Variants in XCR1 observed in about 807,000 individuals in gnomAD.
XCR1 encodes X-C motif chemokine receptor 1.
For missense variants in XCR1, 356 were observed against 424.2 expected (o/e 0.84, Z 1.41); for synonymous variants, 187 against 188.5 (o/e 0.99, Z 0.06).
At chr3:46,074,927 A>G (rs1156599657) in intron 2 of XCR1, among the ~76,000 whole-genome samples, 5 of 152,338 alleles carry the variant, frequency 3.3e-5, no homozygotes, top group South Asian at 4.1e-4. Flanking sequence ...TAACTCATCT[A>G]TGAAACAGAT....
rs1335381226 is a variant in XCR1 at position 46,021,595 on chromosome 3, A to T, written c.353T>A (p.Phe118Tyr). ...IFSISLYSSI[F>Y]FLTIMTIHRY... ...GTGGATGGTCATGATGGTCAGGAAG[A>T]AGATGCTGCTGTAGAGGCTGATGGA... The change falls in exon 2 of 2, where the codon TTC (phenylalanine) becomes TAC (tyrosine). Residue 118 changes from phenylalanine to tyrosine, a missense_variant. Physicochemically the swap from Phe to Tyr is conservative, Grantham distance 22. Coordinates refer to ENST00000309285, the MANE Select transcript of XCR1 (RefSeq NM_001024644.2). The surrounding 1 kb of genome is among the most constrained non-coding windows in gnomAD (Gnocchi z 4.7). 6.2e-7 allele frequency: 1 copy of T among 1,612,640 alleles called. No individual in the cohort carries two copies. Among genetic ancestry groups the T allele is most frequent in the East Asian group, 2.2e-5 (1 of 44,844 alleles).
intron 3 of XCR1, among the ~76,000 whole-genome samples, chr3:46,071,537 G>C (rs988886363): frequency 3.3e-5 from 5 of 152,074 alleles, no homozygotes; most frequent in Non-Finnish European, 5.9e-5. Context: ...CATTCCCCGT[G>C]AACATAGATA....
At chr3:46,033,568 G>A (rs1047118960) in intron 5 of XCR1, among the ~76,000 whole-genome samples, 5 of 152,246 alleles carry the variant, frequency 3.3e-5, no homozygotes, top group African/African-American at 1.2e-4. Context: ...CTTGATTACT[G>A]TAACTTTATA....
At chr3:46,067,370 C>G (rs1478145775) in intron 3 of XCR1, among the ~76,000 whole-genome samples, 1 of 152,100 alleles carries the variant, frequency 6.6e-6, no homozygotes, top group Non-Finnish European at 1.5e-5. Flanking sequence ...TCTGGGCCAT[C>G]AGGGGGTTCA....
chr3:46,023,120 G>A (rs578089472), intron 1 of XCR1, among the ~76,000 whole-genome samples: 1 of 152,174 alleles, frequency 6.6e-6, no homozygotes, highest in African/African-American at 2.4e-5. Context: ...TCATGGCGCC[G>A]TGCGGGGTCG....
chr3:46,079,668 A>T (rs1427830148), intron 1 of XCR1, among the ~76,000 whole-genome samples: 1 of 152,094 alleles, frequency 6.6e-6, no homozygotes, highest in African/African-American at 2.4e-5. Flanking sequence ...AGGTAAAACC[A>T]CAGCAAGAGG....
chr3:46,085,295 A>G (rs1698454758), intron 1 of XCR1, among the ~76,000 whole-genome samples: 1 of 152,046 alleles, frequency 6.6e-6, no homozygotes, highest in Non-Finnish European at 1.5e-5. Context: ...TGTGATCTAC[A>G]TCTATACAGA....
At chr3:46,026,589 T>TC (rs2125894582) in intron 1 of XCR1, among the ~76,000 whole-genome samples, 1 of 150,870 alleles carries the variant, frequency 6.6e-6, no homozygotes, top group East Asian at 1.9e-4. Context: ...TCTTCTTCTT[T>TC]TTTTTTTTTT....
chr3:46,035,191 G>T (rs1047454574), intron 5 of XCR1, among the ~76,000 whole-genome samples: 3 of 152,136 alleles, frequency 2.0e-5, no homozygotes, highest in African/African-American at 4.8e-5. Flanking sequence ...CTGACCTCCT[G>T]ATCTGCCCAC....
intron 4 of XCR1, among the ~76,000 whole-genome samples, chr3:46,056,379 T>C (rs995737137): frequency 6.6e-6 from 1 of 152,144 alleles, no homozygotes; most frequent in East Asian, 1.9e-4. Flanking sequence ...TAACACAAAA[T>C]TTATGACCCA....
chr3:46,023,901 G>A, intron 1 of XCR1: 1 of 1,508,006 alleles, frequency 6.6e-7, no homozygotes, highest in Non-Finnish European at 9.2e-7. Context: ...GGCTGAAAAG[G>A]CCAGACTTCT....
intron 5 of XCR1, among the ~76,000 whole-genome samples, chr3:46,046,737 G>A (rs1412057880): frequency 6.6e-6 from 1 of 152,196 alleles, no homozygotes; most frequent in Non-Finnish European, 1.5e-5. Context: ...AGATGTTAAT[G>A]TGGTGCTTTA....
intron 5 of XCR1, among the ~76,000 whole-genome samples, chr3:46,036,257 CCA>C (rs1697429296): frequency 6.6e-6 from 1 of 152,060 alleles, no homozygotes; most frequent in African/African-American, 2.4e-5. Context: ...CTGTTTGGCC[CCA>C]GTGTTCCTTG....
intron 5 of XCR1, among the ~76,000 whole-genome samples, chr3:46,044,152 C>G (rs1442406429): frequency 6.6e-6 from 1 of 152,100 alleles, no homozygotes; most frequent in East Asian, 1.9e-4. Flanking sequence ...TGAGCCACCA[C>G]ACCCAGCTAA....
chr3:46,024,739 A>G (rs1045993239), intron 1 of XCR1, among the ~76,000 whole-genome samples: 1 of 152,148 alleles, frequency 6.6e-6, no homozygotes, highest in African/African-American at 2.4e-5. Flanking sequence ...ACAAATTACC[A>G]GTTTACATGA....
intron 4 of XCR1, among the ~76,000 whole-genome samples, chr3:46,063,315 G>A (rs1698002436): frequency 1.3e-5 from 2 of 152,202 alleles, no homozygotes; most frequent in South Asian, 4.1e-4. Flanking sequence ...AGGAGAAAGA[G>A]CCATTGGAGA....
In XCR1 at chr3:46,073,046, G is replaced by A. The variant is rs1345649424; in HGVS notation, c.-263+1605C>T. Among the ~76,000 whole-genome samples, 3 of 152,258 alleles carry A rather than the reference G, an allele frequency of 2.0e-5. No individual in the cohort carries two copies. The East Asian group carries it at 5.8e-4, about 29-fold the overall frequency. ...AAAGATACCCTGTTCAATAAATGGT[G>A]CTGGAAAAATTGAATTGCGATATGC... is the stretch of plus-strand genomic sequence containing the variant. On this transcript the variant is annotated intron_variant, in intron 3 of 5. Transcript: ENST00000683768.
upstream of XCR1, among the ~76,000 whole-genome samples, chr3:46,029,502 G>A (rs1708361129): frequency 6.6e-6 from 1 of 152,116 alleles, no homozygotes; most frequent in South Asian, 2.1e-4. Context: ...CAAAAATCAA[G>A]ACCATTTACA....
At chr3:46,037,226 AAAG>A (rs912058164) in intron 5 of XCR1, among the ~76,000 whole-genome samples, 3 of 152,152 alleles carry the variant, frequency 2.0e-5, no homozygotes, top group Admixed American at 6.5e-5. Flanking sequence ...TTAGTGAGAA[AAAG>A]AATAATTTTG....
Sources: allele counts gnomAD v4.1 joint callset (sites outside exome capture counted in the v4.1 genomes callset), GRCh38; gene constraint gnomAD v4.1.1; non-coding constraint Gnocchi (gnomAD v3.1); transcripts MANE v1.5; gene names NCBI Gene and HGNC (gene_info 2026-07-23, HGNC 2026-07-21).